Variants in COL23A1 observed in about 807,000 individuals in gnomAD.
COL23A1 encodes the protein collagen type XXIII alpha 1 chain.
Under a neutral mutation model 99.3 loss-of-function variants are expected in COL23A1, and 97 were observed. The observed-to-expected ratio is 0.98, with a 90% CI of 0.83 to 1.16. The LOEUF is 1.16. COL23A1 is among the 50% of genes most tolerant of loss of function. The probability of loss-of-function intolerance (pLI) is 0.00; values close to 1 mark genes in which losing one functional copy is unlikely to be tolerated. For synonymous variants in COL23A1, 320 were observed against 308.2 expected (o/e 1.04, Z -0.40); for missense variants, 762 against 757.4 (o/e 1.01, Z -0.07).
At chr5:178,510,484 T>C (rs1759142096) in intron 2 of COL23A1, among the ~76,000 whole-genome samples, 1 of 152,114 alleles carries the variant, frequency 6.6e-6, no homozygotes. Context: ...GAGGTTGCAG[T>C]GAGCTGAGAT....
At position 178,263,295 on chromosome 5, in the gene COL23A1, C is replaced by G. The variant is rs772491553; in HGVS notation, c.552G>C (p.Gly184=). 1 of 1,606,036 alleles carries G rather than the reference C, an allele frequency of 6.2e-7. No individual in the cohort carries two copies. The highest frequency in any genetic ancestry group is 1.1e-5 in the South Asian group (1 of 90,460). Residue 184 remains glycine, a synonymous_variant, in exon 9 of 29, where the codon GGG becomes GGC. Transcript: ENST00000390654. ...RGDQGQDGAA[G]PPGPPGPPGA... ...CAGGAGGTCCAGGGGGCCCCGGAGG[C>G]CCAGCAGCTCCATCTTGTCCTTGGT...
intron 2 of COL23A1, among the ~76,000 whole-genome samples, chr5:178,484,391 C>A (rs1026414850): frequency 2.0e-5 from 3 of 152,220 alleles, no homozygotes; most frequent in Non-Finnish European, 4.4e-5. Flanking sequence ...GGTCCCCTCT[C>A]AGAAGCCCTT....
chr5:178,497,367 C>T (rs1002929805), intron 2 of COL23A1, among the ~76,000 whole-genome samples: 4 of 152,198 alleles, frequency 2.6e-5, no homozygotes, highest in Middle Eastern at 3.2e-3. Context: ...AGTTCCACAG[C>T]AGTGTATCCC....
intron 2 of COL23A1, among the ~76,000 whole-genome samples, chr5:178,498,239 T>TATATATATATAG: frequency 1.7e-5 from 1 of 59,890 alleles, no homozygotes; most frequent in African/African-American, 1.3e-4. Context: ...TATATATATA[T>TATATATATATAG]ATATATATAT....
intron 3 of COL23A1, among the ~76,000 whole-genome samples, chr5:178,299,129 C>G (rs925159605): frequency 6.6e-6 from 1 of 152,022 alleles, no homozygotes; most frequent in Admixed American, 6.6e-5. Flanking sequence ...TTTGTGATGT[C>G]TTTGTCTAGT....
At chr5:178,576,904 G>C (rs1763394105) in intron 1 of COL23A1, among the ~76,000 whole-genome samples, 1 of 151,752 alleles carries the variant, frequency 6.6e-6, no homozygotes, top group Non-Finnish European at 1.5e-5. Context: ...GGCGAGCAGC[G>C]CGGCGCTGGC....
chr5:178,247,238 A>G (rs1367150593), intron 22 of COL23A1, among the ~76,000 whole-genome samples: 1 of 152,082 alleles, frequency 6.6e-6, no homozygotes, highest in Non-Finnish European at 1.5e-5. Context: ...GGAGAAGGGG[A>G]CAAGCAGTGG....
intron 2 of COL23A1, among the ~76,000 whole-genome samples, chr5:178,369,232 G>A (rs1003563824): frequency 3.3e-5 from 5 of 152,048 alleles, no homozygotes; most frequent in African/African-American, 9.7e-5. Context: ...ACAGGTCTGG[G>A]GCCCTAAACA....
chr5:178,341,752 G>A (rs557319123), intron 2 of COL23A1, among the ~76,000 whole-genome samples: 1 of 152,114 alleles, frequency 6.6e-6, no homozygotes, highest in African/African-American at 2.4e-5. Context: ...CCTCATCCCC[G>A]TTTCAGCCAC....
chr5:178,407,816 G>A (rs1764843000), intron 2 of COL23A1, among the ~76,000 whole-genome samples: 1 of 152,116 alleles, frequency 6.6e-6, no homozygotes, highest in Non-Finnish European at 1.5e-5. Context: ...GAAAAAAAAG[G>A]AACAGAGCCG....
At chr5:178,530,443 CAGAG>C (rs1388018948) in intron 2 of COL23A1, among the ~76,000 whole-genome samples, 33 of 152,162 alleles carry the variant, frequency 2.2e-4, no homozygotes, top group Non-Finnish European at 1.0e-4. Flanking sequence ...GTCTGGGTGA[CAGAG>C]AAAGACCTGT....
intron 2 of COL23A1, among the ~76,000 whole-genome samples, chr5:178,323,340 T>G (rs551303935): frequency 1.3e-5 from 2 of 152,176 alleles, no homozygotes; most frequent in East Asian, 3.9e-4. Context: ...TGGTAACTGA[T>G]CTCCCTGCTC....
chr5:178,455,541 C>T (rs1767732441), intron 2 of COL23A1, among the ~76,000 whole-genome samples: 2 of 152,236 alleles, frequency 1.3e-5, no homozygotes. Flanking sequence ...CCCAGAATCT[C>T]AGCCTGGGAA....
At chr5:178,556,484 G>T (rs1219187928) in intron 2 of COL23A1, among the ~76,000 whole-genome samples, 1 of 150,770 alleles carries the variant, frequency 6.6e-6, no homozygotes, top group Admixed American at 6.6e-5. Flanking sequence ...TTAGCTGGGC[G>T]TGGTGGCAGG....
intron 3 of COL23A1, among the ~76,000 whole-genome samples, chr5:178,297,044 G>A (rs928280361): frequency 6.6e-6 from 1 of 152,226 alleles, no homozygotes; most frequent in Non-Finnish European, 1.5e-5. Flanking sequence ...GCATGGCCCA[G>A]TCCTTGCCAG....
At chr5:178,498,228 ATATATATATATATATATATATATATAT>A (rs1562025475) in intron 2 of COL23A1, among the ~76,000 whole-genome samples, 739 of 57,268 alleles carry the variant, frequency 0.013, 53 homozygotes, top group African/African-American at 0.067. Context: ...ATATATATAT[ATATATATATATATATATATATATATAT>A]ATAAAAGAAC....
At chr5:178,479,255 G>C (rs571400685) in intron 2 of COL23A1, among the ~76,000 whole-genome samples, 1 of 152,270 alleles carries the variant, frequency 6.6e-6, no homozygotes, top group East Asian at 1.9e-4. Flanking sequence ...AGGTTCATAG[G>C]GGTAAAGCCC....
chr5:178,432,782 G>A (rs921258117), intron 2 of COL23A1, among the ~76,000 whole-genome samples: 2 of 152,124 alleles, frequency 1.3e-5, no homozygotes, highest in Non-Finnish European at 2.9e-5. Flanking sequence ...TGCCTGCCTG[G>A]GACAAGTGCC....
In COL23A1 at chr5:178,537,451, A is replaced by T. The variant is rs185267821; in HGVS notation, c.361+23231T>A. On this transcript the variant is annotated intron_variant, in intron 2 of 28. Transcript: ENST00000390654. ...GCAAGCGATATTTCCTGGGTCATAG[A>T]ACTAGTACCGAGGAGAGGAGAACAG... Among the ~76,000 whole-genome samples, 77 of 152,330 alleles carry T rather than the reference A, an allele frequency of 5.1e-4. 1 individual carries two copies. The highest frequency in any genetic ancestry group is 3.4e-3 in the Middle Eastern group (1 of 294).
Sources: allele counts gnomAD v4.1 joint callset (sites outside exome capture counted in the v4.1 genomes callset), GRCh38; gene constraint gnomAD v4.1.1; transcripts MANE v1.5; gene names NCBI Gene and HGNC (gene_info 2026-07-23, HGNC 2026-07-21).